The following LMLN variants were observed in gnomAD, a reference collection of about 807,000 sequenced individuals.
The protein encoded by LMLN is leishmanolysin like peptidase.
In LMLN, 70 loss-of-function variants were observed where a neutral mutation model predicts 92.3. The ratio of observed to expected loss-of-function variants is 0.76; its 90% CI spans 0.63 to 0.92. The LOEUF is 0.92. LMLN is among the 40% of genes least tolerant of loss of function. The pLI is 0.00. For synonymous variants in LMLN, 308 were observed against 296.2 expected (o/e 1.04, Z -0.41); for missense variants, 691 against 814.6 (o/e 0.85, Z 1.85).
chr3:197,985,501 T>A (rs1721680308), intron 7 of LMLN: 1 of 194,218 alleles, frequency 5.1e-6, no homozygotes, highest in Non-Finnish European at 1.1e-5. Flanking sequence ...CTTGGAAATA[T>A]AATTATACGA....
intron 1 of LMLN, among the ~76,000 whole-genome samples, chr3:197,972,453 T>C (rs941690967): frequency 6.6e-6 from 1 of 152,200 alleles, no homozygotes; most frequent in African/African-American, 2.4e-5. Flanking sequence ...ATAGTGTCTC[T>C]TCTGAGGTTC....
intron 1 of LMLN, among the ~76,000 whole-genome samples, chr3:197,963,884 TA>T (rs1355526177): frequency 3.3e-5 from 5 of 152,244 alleles, no homozygotes; most frequent in Admixed American, 6.5e-5. Context: ...CTCTGACCAT[TA>T]AGTATGATGT....
At chr3:198,021,751 C>T (rs1445262034) in intron 13 of LMLN, 146 bp downstream of exon 14, 1 of 631,014 alleles carries the variant, frequency 1.6e-6, no homozygotes, top group African/African-American at 1.9e-5. Context: ...TAAGAAGTGA[C>T]TTAACTTTTC....
intron 1 of LMLN, among the ~76,000 whole-genome samples, chr3:197,961,603 A>G (rs1051455235): frequency 3.3e-5 from 5 of 152,042 alleles, no homozygotes; most frequent in African/African-American, 4.8e-5. Flanking sequence ...GGTCCCTAAT[A>G]CGTTTCGCTA....
chr3:197,999,897 G>A (rs1722125051), intron 11 of LMLN, among the ~76,000 whole-genome samples: 1 of 152,152 alleles, frequency 6.6e-6, no homozygotes, highest in Non-Finnish European at 1.5e-5. Flanking sequence ...TTTCGAATAA[G>A]CAGGGGCTGA....
At chr3:197,997,032 TTTC>T (rs1341261726) in intron 10 of LMLN, among the ~76,000 whole-genome samples, 1 of 151,178 alleles carries the variant, frequency 6.6e-6, no homozygotes, top group East Asian at 1.9e-4. Flanking sequence ...TTTCTTTTCT[TTTC>T]TTTTCTTTCT....
At chr3:198,036,225 T>C (rs1426158789) in intron 15 of LMLN, among the ~76,000 whole-genome samples, 182 bp downstream of exon 16, 1 of 152,206 alleles carries the variant, frequency 6.6e-6, no homozygotes, top group African/African-American at 2.4e-5. Flanking sequence ...TAGGTCAACT[T>C]GACACTTTTG....
exon 16 of LMLN, chr3:198,043,130 T>C (rs1723456948): frequency 6.6e-6 from 1 of 152,248 alleles, no homozygotes; most frequent in African/African-American, 2.4e-5. Flanking sequence ...GTTGTATCAA[T>C]GTTCCTTCTA....
At chr3:197,980,603 C>G in intron 6 of LMLN, 99 bp downstream of exon 6, 1 of 1,207,670 alleles carries the variant, frequency 8.3e-7, no homozygotes, top group Non-Finnish European at 1.2e-6. Context: ...CTTGCATTTG[C>G]CAGATTGCCT....
intron 9 of LMLN, chr3:197,994,476 A>T (rs1330213424): frequency 6.6e-6 from 1 of 152,244 alleles, no homozygotes; most frequent in Non-Finnish European, 1.5e-5. Context: ...AAAAGAAGAC[A>T]TGCAAATTGT....
exon 15 of LMLN, chr3:198,035,860 G>A (rs1723205601): frequency 6.2e-7 from 1 of 1,614,002 alleles, no homozygotes. Flanking sequence ...AGGTCTGAAA[G>A]TTTGGGTCCA....
chr3:197,987,448 C>T (rs1379065159), intron 8 of LMLN, among the ~76,000 whole-genome samples: 4 of 152,124 alleles, frequency 2.6e-5, no homozygotes, highest in African/African-American at 7.2e-5. Context: ...CGTGAGCCAC[C>T]GCGCCCGGCC....
intron 8 of LMLN, among the ~76,000 whole-genome samples, chr3:197,987,624 A>G (rs1344441696): frequency 2.0e-5 from 3 of 152,222 alleles, no homozygotes; most frequent in Non-Finnish European, 4.4e-5. Flanking sequence ...TATCCATCGT[A>G]ATTTTCTATA....
Position 198,012,225 on chromosome 3 carries a change from C to T in LMLN, c.1233-7028C>T, listed in dbSNP as rs182737110. On this transcript the variant is annotated intron_variant, in intron 11 of 15. Coordinates refer to ENST00000330198, the Ensembl canonical transcript of LMLN. ...GACTACAGGCGCCCACCACCATGCC[C>T]GGCTAATTTTTTTATTTGTAGTAGA... is the stretch of plus-strand genomic sequence containing the variant. 1.7e-3 allele frequency among the ~76,000 whole-genome samples: 255 copies of T among 152,132 alleles called. 4 individuals carry two copies. Among genetic ancestry groups the T allele is most frequent in the East Asian group, 2.3e-3 (12 of 5,178 alleles).
intron 7 of LMLN, among the ~76,000 whole-genome samples, chr3:197,985,372 CA>C (rs1228544022): frequency 3.1e-4 from 45 of 146,578 alleles, no homozygotes; most frequent in African/African-American, 1.1e-3. Context: ...GACAGACTTT[CA>C]AAACCATTTC....
chr3:198,022,916 A>G (rs1170817662), intron 13 of LMLN, among the ~76,000 whole-genome samples: 7 of 152,196 alleles, frequency 4.6e-5, no homozygotes, highest in African/African-American at 1.7e-4. Context: ...CAGCAGTTCC[A>G]TATTAAAGCA....
At chr3:197,973,507 C>T (rs1173275501) in intron 1 of LMLN, among the ~76,000 whole-genome samples, 1 of 152,110 alleles carries the variant, frequency 6.6e-6, no homozygotes, top group Non-Finnish European at 1.5e-5. Context: ...CTCCCAAAGT[C>T]CCAAAGTGCT....
intron 10 of LMLN, among the ~76,000 whole-genome samples, chr3:197,998,835 G>A (rs1722096658): frequency 6.6e-6 from 1 of 152,180 alleles, no homozygotes; most frequent in South Asian, 2.1e-4. Flanking sequence ...TGTTACACAT[G>A]TTTCTGTGAT....
chr3:197,960,293 G>C, exon 1 of LMLN: 1 of 1,613,808 alleles, frequency 6.2e-7, no homozygotes, highest in Non-Finnish European at 8.5e-7. Context: ...GCTCAGGCCC[G>C]GGCCGGAGCC....
Sources: allele counts gnomAD v4.1 joint callset (sites outside exome capture counted in the v4.1 genomes callset), GRCh38; gene constraint gnomAD v4.1.1; transcripts MANE v1.5; gene names NCBI Gene and HGNC (gene_info 2026-07-23, HGNC 2026-07-21).